The following C9orf43 variants were observed in gnomAD, a reference collection of about 807,000 sequenced individuals.
The protein encoded by C9orf43 is uncharacterized protein C9orf43.
A neutral mutation model predicts 59.1 loss-of-function variants in C9orf43; 45 were observed. That is an observed-to-expected ratio of 0.76 (90% CI 0.60 to 0.98). C9orf43 has a LOEUF of 0.98. C9orf43 is among the 50% of genes least tolerant of loss of function. The probability of loss-of-function intolerance (pLI) is 0.00; values close to 1 mark genes in which losing one functional copy is unlikely to be tolerated. For synonymous variants in C9orf43, 203 were observed against 196.8 expected, an observed-to-expected ratio of 1.03 and a Z score of -0.26; for missense variants, 533 against 554.9, an observed-to-expected ratio of 0.96 and a Z score of 0.40.
intron 3 of C9orf43, among the ~76,000 whole-genome samples, chr9:113,418,303 T>C (rs1828448042): frequency 6.6e-6 from 1 of 152,248 alleles, no homozygotes; most frequent in African/African-American, 2.4e-5. Flanking sequence ...ATACCTCATG[T>C]AAGTGGAATT....
intron 8 of C9orf43, 66 bp downstream of exon 8, chr9:113,424,382 T>TTCCAGATTTGA: frequency 1.3e-6 from 2 of 1,500,704 alleles, no homozygotes; most frequent in Non-Finnish European, 1.8e-6. Flanking sequence ...TCCTCAAATC[T>TTCCAGATTTGA]GGAAGAGTTG....
chr9:113,419,694 T>C (rs1828496741), intron 4 of C9orf43, among the ~76,000 whole-genome samples: 1 of 152,184 alleles, frequency 6.6e-6, no homozygotes, highest in Admixed American at 6.5e-5. Context: ...ATTCAAAAAA[T>C]TTGATTTTAT....
At chr9:113,428,409 T>A (rs932228585) in intron 12 of C9orf43, among the ~76,000 whole-genome samples, 186 bp downstream of exon 12, 1 of 152,194 alleles carries the variant, frequency 6.6e-6, no homozygotes, top group Non-Finnish European at 1.5e-5. Context: ...AAGTTGCTGG[T>A]TTTCCTTCCT....
intron 6 of C9orf43, 85 bp downstream of exon 6, chr9:113,422,670 C>G: frequency 6.8e-7 from 1 of 1,477,930 alleles, no homozygotes; most frequent in East Asian, 2.3e-5. Context: ...CTCCACCTTA[C>G]CCCCGTTCTT....
At position 113,411,003 on chromosome 9, in the gene C9orf43, TACTAAG is replaced by T. The variant is rs1237154491; in HGVS notation, c.-50+6_-50+11del. 5.1e-6 allele frequency: 5 copies of T among 985,572 alleles called. No homozygotes were observed. The highest frequency in any genetic ancestry group is 4.7e-5 in the South Asian group (1 of 21,390). 61.1% of individuals were successfully genotyped at this position (985,572 alleles called of 1,614,324 possible). On this transcript the variant is annotated splice_donor_5th_base_variant and intron_variant, in intron 1 of 13. Coordinates refer to ENST00000374165, the MANE Select transcript of C9orf43 (RefSeq NM_001278629.2). ...GCCCCTCACGCTTTTGTAATAATGG[TACTAAG>T]ACTGAGTGTTATTTAGATTTTATTG...
At position 113,410,915 on chromosome 9, in the gene C9orf43, T is replaced by C; in HGVS notation, c.-136T>C. On this transcript the variant is annotated 5_prime_UTR_variant, in exon 1 of 14. Transcript: ENST00000374165. ...TTCTCCCACTTTCTTTTTTCTTTCC[T>C]GGAATGGAGTGGGCAGTCTTTTTCC... 1 of 985,602 alleles carries C rather than the reference T, an allele frequency of 1.0e-6. No individual in the cohort carries two copies. The highest frequency in any genetic ancestry group is 1.2e-6 in the Non-Finnish European group (1 of 829,500). 61.1% of individuals were successfully genotyped at this position (985,602 alleles called of 1,614,324 possible).
At chr9:113,421,317 C>T (rs1233633830) in intron 5 of C9orf43, 114 bp downstream of exon 5, 6 of 725,616 alleles carry the variant, frequency 8.3e-6, no homozygotes, top group East Asian at 2.6e-5. Context: ...TAGCAGGAGG[C>T]CAAGCAGAGA....
intron 1 of C9orf43, among the ~76,000 whole-genome samples, chr9:113,413,171 T>G (rs910347510): frequency 2.0e-5 from 3 of 152,250 alleles, no homozygotes; most frequent in Non-Finnish European, 4.4e-5. Context: ...CATTTTACAG[T>G]GGAGGCAACA....
Position 113,424,231 on chromosome 9 carries a change from A to T in C9orf43, c.722A>T (p.Lys241Ile). The T allele has an allele frequency of 6.2e-7, 1 of 1,614,106 alleles. No homozygotes were observed. The highest frequency in any genetic ancestry group is 1.1e-5 in the South Asian group (1 of 91,082). ...ATGAAGATAAAATTGGCCATGATGA[A>T]AAAGAATCTTCCCTTGGAAAAGAAC... is the stretch of plus-strand genomic sequence containing the variant. ...PEMKIKLAMMKKNLPLEKNRP... is the reference protein window; with the variant it reads ...PEMKIKLAMMIKNLPLEKNRP... The change falls in exon 8 of 14, where the codon AAA becomes ATA. Residue 241 changes from lysine to isoleucine, a missense_variant. Coordinates refer to ENST00000374165, the MANE Select transcript of C9orf43 (RefSeq NM_001278629.2).
Position 113,423,421 on chromosome 9 carries a change from A to G in C9orf43, c.579A>G (p.Gln193=), listed in dbSNP as rs1431034862. The G allele has an allele frequency of 6.2e-7, 1 of 1,613,930 alleles. No homozygotes were observed. The highest frequency in any genetic ancestry group is 1.3e-5 in the African/African-American group (1 of 74,890). The change falls in exon 7 of 14, where the codon CAA becomes CAG. Residue 193 remains glutamine (Q), a synonymous_variant. Transcript: ENST00000374165. ...GMIVPPPTPV[Q]LSEQFSSDFL... is the part of the protein sequence containing the mutation. ...TCGTGCCTCCCCCAACCCCAGTGCA[A>G]TTGTCTGAACAATTCAGTTCAGATT...
intron 11 of C9orf43, among the ~76,000 whole-genome samples, chr9:113,425,945 C>A (rs1258483227): frequency 1.3e-5 from 2 of 152,198 alleles, no homozygotes; most frequent in Admixed American, 1.3e-4. Flanking sequence ...GTCTGCTTCA[C>A]ATGAGGGCTT....
In C9orf43 at chr9:113,424,244, C is replaced by T. The variant is rs1193166188; in HGVS notation, c.735C>T (p.Pro245=). 1 of 1,613,942 alleles carries T rather than the reference C, an allele frequency of 6.2e-7. No individual in the cohort carries two copies. Residue 245 remains proline, a synonymous_variant, in exon 8 of 14, where the codon CCC becomes CCT. Coordinates refer to ENST00000374165, the MANE Select transcript of C9orf43 (RefSeq NM_001278629.2). ...TGGCCATGATGAAAAAGAATCTTCC[C>T]TTGGAAAAGAACCGACCTGACAGTG... is the stretch of plus-strand genomic sequence containing the variant. The part of the protein sequence containing the change: ...IKLAMMKKNL[P]LEKNRPDSVI...
chr9:113,423,418 G>A lies in C9orf43; in HGVS notation c.576G>A (p.Val192=). Residue 192 remains valine (V), a synonymous_variant, in exon 7 of 14, where the codon GTG becomes GTA. Transcript: ENST00000374165. ...TGATCGTGCCTCCCCCAACCCCAGT[G>A]CAATTGTCTGAACAATTCAGTTCAG... ...PGMIVPPPTP[V]QLSEQFSSDF... 5 of 1,614,082 alleles carry A rather than the reference G, an allele frequency of 3.1e-6. No individual in the cohort carries two copies. The highest frequency in any genetic ancestry group is 4.2e-6 in the Non-Finnish European group (5 of 1,179,978).
intron 7 of C9orf43, among the ~76,000 whole-genome samples, chr9:113,423,722 T>C (rs1828677634): frequency 6.6e-6 from 1 of 152,204 alleles, no homozygotes; most frequent in African/African-American, 2.4e-5. Context: ...ATATCACATG[T>C]ACTTTCATTT....
intron 3 of C9orf43, among the ~76,000 whole-genome samples, chr9:113,414,708 T>G (rs1001404581): frequency 6.6e-6 from 1 of 152,118 alleles, no homozygotes; most frequent in Admixed American, 6.5e-5. Flanking sequence ...CTTAATAACT[T>G]TTTAAAAAAC....
intron 5 of C9orf43, 47 bp downstream of exon 5, chr9:113,421,250 C>CT: frequency 7.4e-7 from 1 of 1,344,322 alleles, no homozygotes; most frequent in South Asian, 1.2e-5. Context: ...CTATAAATCC[C>CT]TGATGTCTTC....
intron 3 of C9orf43, among the ~76,000 whole-genome samples, chr9:113,417,848 A>G (rs1828425898): frequency 1.3e-5 from 2 of 152,220 alleles, no homozygotes; most frequent in South Asian, 4.1e-4. Flanking sequence ...AGAAACAGGA[A>G]GCAGGAGTCT....
intron 3 of C9orf43, among the ~76,000 whole-genome samples, chr9:113,415,204 C>T (rs1471220956): frequency 6.6e-6 from 1 of 151,570 alleles, no homozygotes; most frequent in East Asian, 1.9e-4. Context: ...AGTACAGTGT[C>T]GTGATCTCGG....
intron 1 of C9orf43, among the ~76,000 whole-genome samples, chr9:113,411,350 T>A (rs968779523): frequency 1.9e-4 from 29 of 151,340 alleles, no homozygotes; most frequent in Admixed American, 1.1e-3. Context: ...CAGGTTGGAG[T>A]GCAGTGGCGC....
Sources: gnomAD v4.1 joint callset for allele counts (sites outside exome capture counted in the v4.1 genomes callset) on GRCh38, gnomAD v4.1.1 for gene constraint, MANE v1.5 for transcripts, NCBI Gene and HGNC (gene_info 2026-07-23, HGNC 2026-07-21) for gene names.